Variants in PTPRM observed in about 807,000 individuals in gnomAD.
The protein encoded by PTPRM is protein tyrosine phosphatase receptor type M.
In PTPRM, 47 loss-of-function variants were observed where a neutral mutation model predicts 186.7. The observed-to-expected ratio is 0.25, with a 90% CI of 0.20 to 0.32. PTPRM has a LOEUF of 0.32. Ranked by LOEUF, PTPRM falls within the 10% of genes least tolerant of loss-of-function variation. The pLI is 1.00. For synonymous variants in PTPRM, 668 were observed against 674.9 expected (o/e 0.99, Z 0.16); for missense variants, 1,494 against 1,865.0 (o/e 0.80, Z 3.66).
intron 7 of PTPRM, among the ~76,000 whole-genome samples, chr18:8,057,425 C>CTTTT (rs763829289): frequency 2.7e-4 from 28 of 102,442 alleles, no homozygotes; most frequent in African/African-American, 4.3e-4. Flanking sequence ...TGTGATACTT[C>CTTTT]TTTTTTTTTT....
intron 2 of PTPRM, among the ~76,000 whole-genome samples, chr18:7,819,459 C>G (rs572773671): frequency 6.6e-6 from 1 of 152,194 alleles, no homozygotes; most frequent in African/African-American, 2.4e-5. Flanking sequence ...AGTGGAATGA[C>G]GCAGAATTTG....
chr18:8,151,444 T>G (rs1283828736), intron 14 of PTPRM, among the ~76,000 whole-genome samples: 1 of 151,486 alleles, frequency 6.6e-6, no homozygotes, highest in Non-Finnish European at 1.5e-5. Flanking sequence ...AACCGCCTAC[T>G]CAAGCCTCAG....
At chr18:8,236,834 G>C (rs901345613) in intron 14 of PTPRM, among the ~76,000 whole-genome samples, 1 of 152,158 alleles carries the variant, frequency 6.6e-6, no homozygotes, top group Admixed American at 6.5e-5. Context: ...GAGCCACCTA[G>C]TGCATAGCCT....
At chr18:7,986,141 G>A (rs1028887135) in intron 7 of PTPRM, among the ~76,000 whole-genome samples, 3 of 152,158 alleles carry the variant, frequency 2.0e-5, no homozygotes, top group Admixed American at 1.3e-4. Flanking sequence ...GAAAAATTCT[G>A]GAGAGGTTAT....
intron 14 of PTPRM, among the ~76,000 whole-genome samples, chr18:8,222,500 C>T (rs1274439488): frequency 6.6e-6 from 1 of 152,114 alleles, no homozygotes; most frequent in Admixed American, 6.5e-5. Context: ...ATAAGGAAAG[C>T]CGGAACTGAC....
At chr18:7,888,861 G>A (rs538671855) in intron 3 of PTPRM, among the ~76,000 whole-genome samples, 1 of 152,156 alleles carries the variant, frequency 6.6e-6, no homozygotes, top group African/African-American at 2.4e-5. Context: ...GCGAATTAAT[G>A]CAAAAACAGA....
intron 1 of PTPRM, among the ~76,000 whole-genome samples, chr18:7,699,162 A>T (rs745897812): frequency 1.3e-5 from 2 of 152,142 alleles, no homozygotes; most frequent in African/African-American, 2.4e-5. Context: ...TGAGACTCTA[A>T]CCAATGCCTG....
chr18:7,730,615 T>C (rs1270624108), intron 1 of PTPRM, among the ~76,000 whole-genome samples: 2 of 152,224 alleles, frequency 1.3e-5, no homozygotes, highest in Non-Finnish European at 2.9e-5. Flanking sequence ...TTAAAAGTCA[T>C]TTATCTGTGA....
At chr18:8,076,201 C>T (rs2089800002) in intron 8 of PTPRM, among the ~76,000 whole-genome samples, 1 of 151,774 alleles carries the variant, frequency 6.6e-6, no homozygotes, top group Non-Finnish European at 1.5e-5. Flanking sequence ...AGAGTAAAAA[C>T]GTTTATTTAA....
chr18:7,586,021 GATTTAATACTCATAACAACC>G (rs2036969918), intron 1 of PTPRM, among the ~76,000 whole-genome samples: 1 of 152,148 alleles, frequency 6.6e-6, no homozygotes, highest in African/African-American at 2.4e-5. Context: ...TGTATTATCT[GATTTAATACTCATAACAACC>G]TAAATTACCC....
intron 19 of PTPRM, among the ~76,000 whole-genome samples, chr18:8,262,958 A>G (rs568511238): frequency 1.3e-5 from 2 of 152,344 alleles, no homozygotes; most frequent in Admixed American, 6.5e-5. Flanking sequence ...AAATCATCAT[A>G]TAGGATCGGG....
intron 23 of PTPRM, among the ~76,000 whole-genome samples, chr18:8,352,968 C>A (rs1369660226): frequency 2.6e-5 from 4 of 152,180 alleles, no homozygotes; most frequent in African/African-American, 9.7e-5. Flanking sequence ...CCCCACCCGG[C>A]CCGATTTCGT....
intron 2 of PTPRM, among the ~76,000 whole-genome samples, chr18:7,828,872 A>C (rs1162964689): frequency 6.6e-6 from 1 of 152,156 alleles, no homozygotes; most frequent in Non-Finnish European, 1.5e-5. Context: ...AAAAATTTTA[A>C]AGATAAAAAC....
chr18:7,880,688 C>T (rs1424134659), intron 2 of PTPRM, among the ~76,000 whole-genome samples: 1 of 152,188 alleles, frequency 6.6e-6, no homozygotes, highest in Non-Finnish European at 1.5e-5. Context: ...TCCCGTAGTT[C>T]ATTTATTTCT....
At chr18:8,212,647 A>G (rs1398337555) in intron 14 of PTPRM, among the ~76,000 whole-genome samples, 1 of 151,956 alleles carries the variant, frequency 6.6e-6, no homozygotes, top group Non-Finnish European at 1.5e-5. Flanking sequence ...TCTGCAAAAA[A>G]ATTTTTTTAA....
intron 1 of PTPRM, among the ~76,000 whole-genome samples, chr18:7,645,851 CAG>C (rs2038549073): frequency 6.6e-6 from 1 of 152,174 alleles, no homozygotes; most frequent in South Asian, 2.1e-4. Flanking sequence ...TCTTAGAATC[CAG>C]AGTCTGTCCC....
chr18:8,323,168 A>G (rs543670243), intron 22 of PTPRM, among the ~76,000 whole-genome samples: 15 of 152,290 alleles, frequency 9.8e-5, no homozygotes, highest in African/African-American at 3.4e-4. Flanking sequence ...CAAGAGTCAG[A>G]TAACTCAGGG....
At chr18:7,889,688 A>C (rs981637155) in intron 3 of PTPRM, among the ~76,000 whole-genome samples, 2 of 152,100 alleles carry the variant, frequency 1.3e-5, no homozygotes, top group Non-Finnish European at 2.9e-5. Context: ...GCAGAAAGGC[A>C]TAGCACCTGA....
intron 1 of PTPRM, among the ~76,000 whole-genome samples, chr18:7,638,847 T>A (rs977687191): frequency 1.3e-5 from 2 of 152,214 alleles, no homozygotes; most frequent in Non-Finnish European, 2.9e-5. Context: ...TTTCTTTTGA[T>A]TTAATTACTT....
Sources: allele counts gnomAD v4.1 joint callset (sites outside exome capture counted in the v4.1 genomes callset), GRCh38; gene constraint gnomAD v4.1.1; transcripts MANE v1.5; gene names NCBI Gene and HGNC (gene_info 2026-07-23, HGNC 2026-07-21).